The following SPINK5 variants were observed in gnomAD, a reference collection of about 807,000 sequenced individuals.
The protein encoded by SPINK5 is serine protease inhibitor Kazal-type 5.
Under a neutral mutation model 151.8 loss-of-function variants are expected in SPINK5, and 125 were observed. The ratio of observed to expected loss-of-function variants is 0.82; its 90% CI spans 0.71 to 0.96. The LOEUF (loss-of-function observed/expected upper bound fraction) is 0.96. SPINK5 is among the 40% of genes least tolerant of loss of function. The probability of loss-of-function intolerance (pLI) is 0.00; values close to 1 mark genes in which losing one functional copy is unlikely to be tolerated. For missense variants in SPINK5, 1,194 were observed against 1,291.9 expected (o/e 0.92, Z 1.16); for synonymous variants, 374 against 395.3 (o/e 0.95, Z 0.64).
At chr5:148,103,040 G>T (rs1270866559) in intron 15 of SPINK5, among the ~76,000 whole-genome samples, 1 of 152,024 alleles carries the variant, frequency 6.6e-6, no homozygotes, top group Non-Finnish European at 1.5e-5. Context: ...ATCTTAGAAA[G>T]GACTTAATTT....
chr5:148,125,774 C>G lies in SPINK5; in HGVS notation c.2791C>G (p.Pro931Ala), dbSNP rs1177536059. ...NYIRNNELIC[P>A]RENDPVHGAD... Reference sequence around the variant, plus strand: ...TATAAGGAACAATGAACTCATCTGCCCTAGAGAGAATGACCCAGTGCACGG... The same window carrying G: ...TATAAGGAACAATGAACTCATCTGCGCTAGAGAGAATGACCCAGTGCACGG... Residue 931 changes from proline to alanine, a missense_variant, in exon 29 of 33, where the codon CCT becomes GCT. Pro to Ala is a conservative substitution (Grantham distance 27, BLOSUM62 -1). Transcript: ENST00000256084. The G allele has an allele frequency of 3.1e-6, 5 of 1,614,082 alleles. No individual in the cohort carries two copies. The highest frequency in any genetic ancestry group is 3.4e-6 in the Non-Finnish European group (4 of 1,179,996).
chr5:148,076,104 G>A (rs1752873949), intron 4 of SPINK5, among the ~76,000 whole-genome samples: 1 of 151,782 alleles, frequency 6.6e-6, no homozygotes, highest in East Asian at 1.9e-4. Context: ...GTCCCAGTGA[G>A]AAGCAAATGC....
At chr5:148,110,392 CTT>C (rs769626582) in intron 18 of SPINK5, among the ~76,000 whole-genome samples, 1 of 152,156 alleles carries the variant, frequency 6.6e-6, no homozygotes, top group Non-Finnish European at 1.5e-5. Context: ...GAATATCCCT[CTT>C]GTCTACCAAA....
At position 148,091,157 on chromosome 5, in the gene SPINK5, C is replaced by A; in HGVS notation, c.603-8C>A. ...ATAAACTGACCAACTGTTTACTTTTCTTAACAGTTTAAAAGAAGCTGAAAA... is the reference window on the plus strand; with the variant it reads ...ATAAACTGACCAACTGTTTACTTTTATTAACAGTTTAAAAGAAGCTGAAAA... On this transcript the variant is annotated splice_polypyrimidine_tract_variant and splice_region_variant and intron_variant, in intron 7 of 32. Coordinates refer to ENST00000256084, the MANE Select transcript of SPINK5 (RefSeq NM_006846.4). 6.2e-7 allele frequency: 1 copy of A among 1,609,534 alleles called. No homozygotes were observed. Among genetic ancestry groups the A allele is most frequent in the Non-Finnish European group, 8.5e-7 (1 of 1,177,312 alleles).
intron 5 of SPINK5, 96 bp from the exon 6 acceptor site, chr5:148,088,446 T>G: frequency 9.4e-7 from 1 of 1,069,330 alleles, no homozygotes; most frequent in Non-Finnish European, 1.4e-6. Flanking sequence ...TTTTCGGGAG[T>G]AAAGGAGAAT....
At chr5:148,099,139 C>G (rs1212219602) in intron 11 of SPINK5, 95 bp from the exon 12 acceptor site, 1 of 1,183,058 alleles carries the variant, frequency 8.5e-7, no homozygotes, top group African/African-American at 1.5e-5. Flanking sequence ...TTGTTCCACT[C>G]TAAGGAGGGA....
intron 13 of SPINK5, 108 bp from the exon 14 acceptor site, chr5:148,101,247 C>A: frequency 1.2e-6 from 1 of 826,772 alleles, no homozygotes; most frequent in Non-Finnish European, 2.0e-6. Flanking sequence ...ACATCACATT[C>A]AAAGAATTTA....
At chr5:148,073,177 C>T (rs991053967) in intron 4 of SPINK5, among the ~76,000 whole-genome samples, 1 of 151,842 alleles carries the variant, frequency 6.6e-6, no homozygotes, top group African/African-American at 2.4e-5. Flanking sequence ...CTAATTTCCA[C>T]TTTCTTTTCC....
intron 22 of SPINK5, among the ~76,000 whole-genome samples, chr5:148,117,784 C>T (rs1754134958): frequency 6.6e-6 from 1 of 152,140 alleles, no homozygotes; most frequent in Admixed American, 6.5e-5. Context: ...AACTGACAGA[C>T]TTCAGTATAC....
At chr5:148,077,969 A>G (rs1752927209) in intron 4 of SPINK5, among the ~76,000 whole-genome samples, 1 of 151,094 alleles carries the variant, frequency 6.6e-6, no homozygotes. Flanking sequence ...CATAAAAGTG[A>G]TTATATTAAA....
intron 26 of SPINK5, among the ~76,000 whole-genome samples, chr5:148,123,395 T>G (rs113926593): frequency 0.25 from 31,875 of 126,116 alleles, 5,025 homozygotes; most frequent in East Asian, 0.46. Flanking sequence ...TATATATATA[T>G]ATAGATAGAT....
At chr5:148,079,406 A>G (rs1752963351) in intron 4 of SPINK5, among the ~76,000 whole-genome samples, 1 of 151,208 alleles carries the variant, frequency 6.6e-6, no homozygotes, top group Non-Finnish European at 1.5e-5. Flanking sequence ...ACAGCTCATT[A>G]TATCAGTCCA....
chr5:148,090,861 G>A (rs1753289766), intron 7 of SPINK5: 1 of 337,416 alleles, frequency 3.0e-6, no homozygotes, highest in Admixed American at 4.4e-5. Flanking sequence ...CACCCATTCA[G>A]TTTTACAGAA....
Position 148,090,773 on chromosome 5 carries a change from G to A in SPINK5, c.603-392G>A, listed in dbSNP as rs1183487592. The A allele has an allele frequency of 3.0e-5, 6 of 201,142 alleles. No homozygotes were observed. The Admixed American group carries it at 3.2e-4, about 11-fold the overall frequency. 12.5% of individuals were successfully genotyped at this position (201,142 alleles called of 1,614,324 possible). The stretch of plus-strand genomic sequence containing the variant: ...TCAGTTTGGTTTCACCCTTGTCACA[G>A]CATTATTTTAAAGCTCTTGGTTCTG... On this transcript the variant is annotated intron_variant, in intron 7 of 32. Transcript: ENST00000256084.
Position 148,123,871 on chromosome 5 carries a change from A to G in SPINK5, c.2577A>G (p.Gly859=), listed in dbSNP as rs574158920. 9 of 1,614,044 alleles carry G rather than the reference A, an allele frequency of 5.6e-6. No individual in the cohort carries two copies. The South Asian group carries it at 9.9e-5, about 18-fold the overall frequency. Residue 859 remains glycine, a synonymous_variant, in exon 27 of 33, where the codon GGA becomes GGG. Transcript: ENST00000256084. The part of the protein sequence containing the change: ...CREFRSMQRN[G]KLICTRENNP... ...AATTTCGAAGCATGCAGAGAAATGGAAAGCTTATCTGCACCAGAGAAAATA... is the reference window on the plus strand; with the variant it reads ...AATTTCGAAGCATGCAGAGAAATGGGAAGCTTATCTGCACCAGAGAAAATA...
Position 148,101,823 on chromosome 5 carries a change from C to T in SPINK5, c.1345C>T (p.Leu449Phe), listed in dbSNP as rs1431744993. The change falls in exon 15 of 33, where the codon CTT becomes TTT. Residue 449 changes from leucine (L) to phenylalanine (F), a missense_variant. Coordinates refer to ENST00000256084, the MANE Select transcript of SPINK5 (RefSeq NM_006846.4). ...CCGCAAATCCAGGAAAAACGGACGG[C>T]TTTTTTGCACCAGAGAGAATGACCC... The part of the protein sequence containing the change: ...EYRKSRKNGR[L>F]FCTRENDPIQ... 2 of 1,613,808 alleles carry T rather than the reference C, an allele frequency of 1.2e-6. No homozygotes were observed. Among genetic ancestry groups the T allele is most frequent in the Non-Finnish European group, 1.7e-6 (2 of 1,179,794 alleles).
At chr5:148,119,923 T>C in intron 24 of SPINK5, 86 bp from the exon 25 acceptor site, 2 of 1,513,322 alleles carry the variant, frequency 1.3e-6, no homozygotes, top group Non-Finnish European at 1.8e-6. Flanking sequence ...GCTGCCTGAC[T>C]CTTGGAAAGA....
At chr5:148,103,094 T>C (rs1262089032) in intron 15 of SPINK5, among the ~76,000 whole-genome samples, 1 of 152,164 alleles carries the variant, frequency 6.6e-6, no homozygotes, top group Non-Finnish European at 1.5e-5. Context: ...CAGCATATTT[T>C]CCCATAGCAT....
In SPINK5 at chr5:148,096,064, G is replaced by A. The variant is rs62388364; in HGVS notation, c.882+159G>A. Among the ~76,000 whole-genome samples, 113,422 of 151,490 alleles carry A rather than the reference G, an allele frequency of 0.75. 43,690 individuals carry two copies. The highest frequency in any genetic ancestry group is 0.92 in the African/African-American group (38,258 of 41,392). ...GAAACTAATTTCTAGTTATTATTTT[G>A]TGAAACTTAGATTAAAAAATTATGG... On this transcript the variant is annotated intron_variant, in intron 10 of 32. Coordinates refer to ENST00000256084, the MANE Select transcript of SPINK5 (RefSeq NM_006846.4).
Sources: allele counts gnomAD v4.1 joint callset (sites outside exome capture counted in the v4.1 genomes callset), GRCh38; gene constraint gnomAD v4.1.1; transcripts MANE v1.5; gene names NCBI Gene and HGNC (gene_info 2026-07-23, HGNC 2026-07-21).